Variants in CCDC83 observed in about 807,000 individuals in gnomAD.
CCDC83 encodes coiled-coil domain-containing protein 83.
A neutral mutation model predicts 50.1 loss-of-function variants in CCDC83; 54 were observed. That is an observed-to-expected ratio of 1.08 (90% CI 0.87 to 1.35). The LOEUF is 1.35. Ranked by LOEUF, CCDC83 falls within the 40% of genes most tolerant of loss-of-function variation. CCDC83 has a pLI of 0.00. For synonymous variants in CCDC83, 161 were observed against 153.3 expected (o/e 1.05, Z -0.37); for missense variants, 518 against 473.9 (o/e 1.09, Z -0.86).
intron 5 of CCDC83, among the ~76,000 whole-genome samples, chr11:85,892,955 CT>C (rs2093356876): frequency 6.6e-6 from 1 of 152,180 alleles, no homozygotes; most frequent in Admixed American, 6.5e-5. Flanking sequence ...TGAATTCTTG[CT>C]TATGAACTAC....
intron 6 of CCDC83, 149 bp from the exon 7 acceptor site, chr11:85,898,798 A>G (rs1489508827): frequency 4.6e-6 from 3 of 645,526 alleles, no homozygotes; most frequent in Non-Finnish European, 8.3e-6. Flanking sequence ...GTAAAGAATG[A>G]ACAACCAAAC....
chr11:85,855,311 G>C (rs2093133044), upstream of CCDC83: 1 of 152,702 alleles, frequency 6.5e-6, no homozygotes, highest in Admixed American at 6.5e-5. Context: ...CACCCTCCAC[G>C]GGCTCCACTC....
chr11:85,862,020 A>G (rs74350550), intron 1 of CCDC83, among the ~76,000 whole-genome samples: 42 of 145,416 alleles, frequency 2.9e-4, no homozygotes, highest in African/African-American at 3.9e-4. Flanking sequence ...AAAAAAAAAA[A>G]AGAGAGTCAT....
At position 85,916,108 on chromosome 11, in the gene CCDC83, C is replaced by T. The variant is rs775806325; in HGVS notation, c.955C>T (p.Leu319Phe). The T allele has an allele frequency of 6.2e-7, 1 of 1,612,928 alleles. No homozygotes were observed. The change falls in exon 10 of 11, where the codon CTT (leucine) becomes TTT (phenylalanine). Residue 319 changes from leucine (L) to phenylalanine (F), a missense_variant. Physicochemically the swap from Leu to Phe is conservative, Grantham distance 22. Transcript: ENST00000342404. Reference sequence around the variant, plus strand: ...ATCAGATGAGAGCACTATCTTACATCTTAGTCATGAAAATAGCATCGAAGA... The same window carrying T: ...ATCAGATGAGAGCACTATCTTACATTTTAGTCATGAAAATAGCATCGAAGA... The part of the protein sequence containing the change: ...SSSDESTILH[L>F]SHENSIEDLQ...
At chr11:85,881,265 T>G (rs1420548375) in intron 3 of CCDC83, among the ~76,000 whole-genome samples, 1 of 151,638 alleles carries the variant, frequency 6.6e-6, no homozygotes, top group African/African-American at 2.4e-5. Flanking sequence ...CCCAGCTACT[T>G]GGGAGGCTGA....
intron 7 of CCDC83, 88 bp from the exon 8 acceptor site, chr11:85,911,191 AAG>A: frequency 1.2e-5 from 13 of 1,114,776 alleles, no homozygotes; most frequent in South Asian, 4.8e-5. Context: ...AAAAAAAAAA[AAG>A]AAAGAAAAAA....
Position 85,911,318 on chromosome 11 carries a change from A to ATGC in CCDC83, c.712_714dup (p.Ala238dup), listed in dbSNP as rs1350389581. ...AGGAAGGAAGTTGAAGAATTAAAAA[A>ATGC]TGCTATTCATGAACTGGAAGCAGAA... On this transcript the variant is annotated inframe_insertion, in exon 8 of 11. Transcript: ENST00000342404. 2.5e-6 allele frequency: 4 copies of ATGC among 1,611,198 alleles called. No individual in the cohort carries two copies. The highest frequency in any genetic ancestry group is 3.4e-6 in the Non-Finnish European group (4 of 1,178,488).
rs112637242 is a variant in CCDC83 at position 85,905,972 on chromosome 11, A to G, written c.673-5309A>G. 9.3e-3 allele frequency among the ~76,000 whole-genome samples: 1,377 copies of G among 147,296 alleles called. 6 individuals are homozygous for G. The highest frequency in any genetic ancestry group is 0.034 in the African/African-American group (1,314 of 38,374). On this transcript the variant is annotated intron_variant, in intron 7 of 10. Coordinates refer to ENST00000342404, the MANE Select transcript of CCDC83 (RefSeq NM_001286159.2). ...CGACAAGAGCATGACTCCGTCTCAA[A>G]AAAAAAAAAAAAAAAAAAAGAGTAT...
In CCDC83 at chr11:85,915,390, C is replaced by T. The variant is rs959008915; in HGVS notation, c.795-29C>T. ...ATGCAATGCAATATTTATTGACTGA[C>T]AGATTGTTTTTCTCATTTGTTCTTT... On this transcript the variant is annotated intron_variant, in intron 8 of 10. Coordinates refer to ENST00000342404, the MANE Select transcript of CCDC83 (RefSeq NM_001286159.2). 2.0e-6 allele frequency: 3 copies of T among 1,502,438 alleles called. No homozygotes were observed. The South Asian group carries it at 3.4e-5, about 17-fold the overall frequency. The allele number at this position is 1,502,438 out of a possible 1,614,324, so 93.1% of individuals were successfully genotyped here. A position where few individuals can be genotyped will look rare whatever the true frequency, so the allele number is the denominator to read the frequency against.
intron 10 of CCDC83, 141 bp downstream of exon 10, chr11:85,916,374 A>G: frequency 1.4e-6 from 1 of 691,720 alleles, no homozygotes; most frequent in East Asian, 2.7e-5. Flanking sequence ...CACCATTCAC[A>G]TCTCTCATTT....
At chr11:85,873,358 T>C (rs1006114373) in intron 3 of CCDC83, 63 bp downstream of exon 3, 4 of 615,324 alleles carry the variant, frequency 6.5e-6, no homozygotes, top group Non-Finnish European at 8.3e-6. Flanking sequence ...CTTTAAAAAA[T>C]TGTGGATTAT....
chr11:85,919,496 A>G lies in CCDC83; in HGVS notation c.1228A>G (p.Lys410Glu), dbSNP rs777468959. The change falls in exon 11 of 11, where the codon AAG becomes GAG. Residue 410 changes from lysine to glutamate, a missense_variant. Lys to Glu is a moderately conservative substitution (Grantham distance 56). Coordinates refer to ENST00000342404, the MANE Select transcript of CCDC83 (RefSeq NM_001286159.2). Reference protein sequence around the residue: ...PESHITYKMMKSFL With the variant: ...PESHITYKMMESFL Reference sequence around the variant, plus strand: ...AAGCCACATCACATATAAGATGATGAAGTCTTTTCTCTAAGACGGAAAGCT... The same window carrying G: ...AAGCCACATCACATATAAGATGATGGAGTCTTTTCTCTAAGACGGAAAGCT... 5.6e-6 allele frequency: 9 copies of G among 1,606,718 alleles called. No individual in the cohort carries two copies. Among genetic ancestry groups the G allele is most frequent in the Non-Finnish European group, 7.6e-6 (9 of 1,177,218 alleles).
rs765495649 is a variant in CCDC83, at chr11:85,916,023, C to T, written c.875-5C>T. On this transcript the variant is annotated splice_polypyrimidine_tract_variant and splice_region_variant and intron_variant, in intron 9 of 10. Coordinates refer to ENST00000342404, the MANE Select transcript of CCDC83 (RefSeq NM_001286159.2). ...ACATAATTAATTCCTTTGTATTTAT[C>T]CAAGAAGAGAAGTCAGAATTGCAAC... is the stretch of plus-strand genomic sequence containing the variant. 5 of 1,581,210 alleles carry T rather than the reference C, an allele frequency of 3.2e-6. No homozygotes were observed. The highest frequency in any genetic ancestry group is 4.3e-6 in the Non-Finnish European group (5 of 1,154,008).
At chr11:85,912,220 A>G (rs2093457796) in intron 8 of CCDC83, among the ~76,000 whole-genome samples, 1 of 152,224 alleles carries the variant, frequency 6.6e-6, no homozygotes, top group African/African-American at 2.4e-5. Context: ...TAGCCAGGAA[A>G]AACTTTCCAC....
chr11:85,918,497 G>A (rs11234474), intron 10 of CCDC83, among the ~76,000 whole-genome samples: 5,666 of 152,274 alleles, frequency 0.037, 292 homozygotes, highest in African/African-American at 0.11. Context: ...TGGGTAGGGC[G>A]TGAGCTCTGT....
rs767082436 is a variant in CCDC83 at position 85,919,500 on chromosome 11, C to A, written c.1232C>A (p.Ser411Tyr). 5.6e-6 allele frequency: 9 copies of A among 1,605,804 alleles called. No individual in the cohort carries two copies. In the East Asian group the frequency reaches 1.8e-4, roughly 32 times the overall value. Residue 411 changes from serine to tyrosine, a missense_variant, in exon 11 of 11, where the codon TCT (serine) becomes TAT (tyrosine). By Grantham distance (144) the Ser-to-Tyr change is moderately radical. Coordinates refer to ENST00000342404, the MANE Select transcript of CCDC83 (RefSeq NM_001286159.2). ...CACATCACATATAAGATGATGAAGT[C>A]TTTTCTCTAAGACGGAAAGCTGCAA... ...ESHITYKMMK[S>Y]FL
chr11:85,861,718 G>A (rs1026958069), intron 1 of CCDC83, among the ~76,000 whole-genome samples: 4 of 152,054 alleles, frequency 2.6e-5, no homozygotes, highest in African/African-American at 7.2e-5. Flanking sequence ...CATTAAAATA[G>A]TCATTTTGGG....
chr11:85,907,263 T>A (rs999018115), intron 7 of CCDC83, among the ~76,000 whole-genome samples: 1 of 152,250 alleles, frequency 6.6e-6, no homozygotes, highest in Non-Finnish European at 1.5e-5. Flanking sequence ...TTTATAACTA[T>A]TTTCTTTTTT....
intron 7 of CCDC83, 53 bp from the exon 8 acceptor site, chr11:85,911,223 AAACTT>A: frequency 7.4e-7 from 1 of 1,345,234 alleles, no homozygotes. Flanking sequence ...AAAGAAAAGA[AAACTT>A]AATAGAACTG....
Sources: gnomAD v4.1 joint callset for allele counts (sites outside exome capture counted in the v4.1 genomes callset) on GRCh38, gnomAD v4.1.1 for gene constraint, MANE v1.5 for transcripts, NCBI Gene and HGNC (gene_info 2026-07-23, HGNC 2026-07-21) for gene names.